RSF1: variants seen among roughly 807,000 people sequenced by gnomAD.
RSF1 encodes HBV pX-associated protein 8.
RSF1 carries 13 observed loss-of-function variants against 145.2 expected under a neutral mutation model. That is an observed-to-expected ratio of 0.09 (90% confidence interval 0.06 to 0.14). The LOEUF is 0.14. Among genes scored for constraint, RSF1 ranks in the 10% least tolerant of loss-of-function variants. RSF1 has a pLI of 1.00. For missense variants in RSF1, 1,517 were observed against 1,718.2 expected, an observed-to-expected ratio of 0.88 and a Z score of 2.07; for synonymous variants, 577 against 592.6, an observed-to-expected ratio of 0.97 and a Z score of 0.38.
At chr11:77,802,071 T>C (rs1169361604) in intron 1 of RSF1, among the ~76,000 whole-genome samples, 1 of 152,154 alleles carries the variant, frequency 6.6e-6, no homozygotes, top group East Asian at 1.9e-4. Context: ...TGCATTCATG[T>C]GCTGGGGGAC....
intron 8 of RSF1, 27 bp downstream of exon 8, chr11:77,693,480 T>C (rs1327312380): frequency 1.4e-6 from 2 of 1,423,644 alleles, no homozygotes; most frequent in Admixed American, 1.7e-5. Context: ...ACTCAAAGAC[T>C]AGAAAAACAA....
At chr11:77,781,812 TTTAAG>T (rs1834701064) in intron 1 of RSF1, among the ~76,000 whole-genome samples, 1 of 152,232 alleles carries the variant, frequency 6.6e-6, no homozygotes, top group African/African-American at 2.4e-5. Context: ...GTATATGTTT[TTTAAG>T]TTGTCAGTTT....
chr11:77,660,651 G>A lies in RSF1; in HGVS notation c.*6266C>T, dbSNP rs958328048. 6.6e-6 allele frequency: 1 copy of A among 151,992 alleles called. No homozygotes were observed. The highest frequency in any genetic ancestry group is 2.4e-5 in the African/African-American group (1 of 41,392). The allele number at this position is 151,992 out of a possible 1,614,324, so 9.4% of individuals were successfully genotyped here. A position where few individuals can be genotyped will look rare whatever the true frequency, so the allele number is the denominator to read the frequency against. On this transcript the variant is annotated 3_prime_UTR_variant, in exon 16 of 16. Transcript: ENST00000308488. Reference sequence around the variant, plus strand: ...ATAAGCATGTTGGAAAATTCAAGAGGCATTCTGATCAGTCCCTGAATTCCA... The same window carrying A: ...ATAAGCATGTTGGAAAATTCAAGAGACATTCTGATCAGTCCCTGAATTCCA...
At chr11:77,837,114 G>C in the RSF1 span, among the ~76,000 whole-genome samples, 1 of 152,078 alleles carries the variant, frequency 6.6e-6, no homozygotes, top group African/African-American at 2.4e-5. Flanking sequence ...GTTGTTTTTT[G>C]TTTGAGTTTT....
chr11:77,772,418 C>T (rs1052794916), intron 1 of RSF1, among the ~76,000 whole-genome samples: 1 of 152,158 alleles, frequency 6.6e-6, no homozygotes, highest in Non-Finnish European at 1.5e-5. Context: ...AAGCGATCCG[C>T]CCATCTTGGC....
At chr11:77,780,687 T>C (rs1399006536) in intron 1 of RSF1, among the ~76,000 whole-genome samples, 2 of 152,024 alleles carry the variant, frequency 1.3e-5, no homozygotes, top group African/African-American at 4.8e-5. Flanking sequence ...TAGCCGCGTG[T>C]GGTGGCACAT....
intron 1 of RSF1, among the ~76,000 whole-genome samples, chr11:77,810,848 T>C (rs1948724034): frequency 6.6e-6 from 1 of 152,236 alleles, no homozygotes; most frequent in Non-Finnish European, 1.5e-5. Flanking sequence ...TCCATCTTCA[T>C]ACACTGGAAT....
At chr11:77,801,710 A>C (rs2135978367) in intron 1 of RSF1, among the ~76,000 whole-genome samples, 1 of 152,124 alleles carries the variant, frequency 6.6e-6, no homozygotes, top group Admixed American at 6.6e-5. Flanking sequence ...GGGCTCCTGG[A>C]ATCTTCAGAA....
chr11:77,821,466 G>A (rs987727417), upstream of RSF1, among the ~76,000 whole-genome samples: 2 of 152,104 alleles, frequency 1.3e-5, no homozygotes, highest in Non-Finnish European at 2.9e-5. Context: ...CTGGGGTACA[G>A]GAATCGCAGC....
rs1565178659 is a variant in RSF1 at position 77,781,113 on chromosome 11, T to TG, written c.188-16425_188-16424insC. Among the ~76,000 whole-genome samples the TG allele has an allele frequency of 5.5e-4, 84 of 152,084 alleles. No individual in the cohort carries two copies. In the East Asian group the frequency reaches 0.013, roughly 23 times the overall value. On this transcript the variant is annotated intron_variant, in intron 1 of 15. Transcript: ENST00000308488. The stretch of plus-strand genomic sequence containing the variant: ...TGAATGTTTGAATTGTCTTTTTTTT[T>TG]TGAGAGAGAGAGAATCTCACTCTGT...
intron 1 of RSF1, among the ~76,000 whole-genome samples, chr11:77,797,116 A>G (rs552425488): frequency 1.4e-4 from 22 of 152,374 alleles, no homozygotes; most frequent in African/African-American, 5.3e-4. Flanking sequence ...TGCTATCCCC[A>G]TCAAGCTACC....
intron 1 of RSF1, among the ~76,000 whole-genome samples, chr11:77,781,122 A>G (rs1948399495): frequency 6.6e-6 from 1 of 151,212 alleles, no homozygotes; most frequent in Admixed American, 6.6e-5. Flanking sequence ...TTTGAGAGAG[A>G]GAGAATCTCA....
chr11:77,667,595 C>T, intron 15 of RSF1, 104 bp from the exon 16 acceptor site: 3 of 1,011,210 alleles, frequency 3.0e-6, no homozygotes, highest in African/African-American at 1.6e-5. Context: ...TTCAGAATTG[C>T]TTGTACCTAA....
At chr11:77,834,311 A>C in the RSF1 span, among the ~76,000 whole-genome samples, 1 of 152,212 alleles carries the variant, frequency 6.6e-6, no homozygotes, top group Admixed American at 6.5e-5. Flanking sequence ...GAAGATGCAA[A>C]GTTTCTACAG....
intron 5 of RSF1, chr11:77,703,615 A>G (rs1960474991): frequency 1.3e-5 from 2 of 152,186 alleles, no homozygotes; most frequent in African/African-American, 4.8e-5. Context: ...TGAAAATTTA[A>G]CCACCATTTC....
intron 4 of RSF1, among the ~76,000 whole-genome samples, chr11:77,732,415 G>A (rs891235760): frequency 6.6e-6 from 1 of 152,158 alleles, no homozygotes; most frequent in Non-Finnish European, 1.5e-5. Flanking sequence ...ATGCTGAAAT[G>A]AGTCAATACT....
At chr11:77,670,828 C>T (rs1000213572) in intron 15 of RSF1, among the ~76,000 whole-genome samples, 1 of 151,666 alleles carries the variant, frequency 6.6e-6, no homozygotes, top group African/African-American at 2.4e-5. Flanking sequence ...GCCATAAAGC[C>T]GGGCGCGGTG....
At chr11:77,836,062 C>G in the RSF1 span, among the ~76,000 whole-genome samples, 1 of 152,170 alleles carries the variant, frequency 6.6e-6, no homozygotes, top group Non-Finnish European at 1.5e-5. Context: ...CTTAACCACT[C>G]TCCAATCTTG....
chr11:77,842,342 T>C, the RSF1 span: 2 of 823,340 alleles, frequency 2.4e-6, no homozygotes, highest in East Asian at 2.7e-5. Flanking sequence ...TTTAGACCTC[T>C]AAAGAAGAAG....
Sources: gnomAD v4.1 joint callset for allele counts (sites outside exome capture counted in the v4.1 genomes callset) on GRCh38, gnomAD v4.1.1 for gene constraint, MANE v1.5 for transcripts, NCBI Gene and HGNC (gene_info 2026-07-23, HGNC 2026-07-21) for gene names.